Variants in CFH observed in about 807,000 individuals in gnomAD.
CFH encodes the protein complement factor H.
Under a neutral mutation model 147.3 loss-of-function variants are expected in CFH, and 53 were observed. The ratio of observed to expected loss-of-function variants is 0.36; its 90% CI spans 0.29 to 0.45. CFH has a LOEUF of 0.45. CFH is among the 20% of genes least tolerant of loss of function. The pLI is 1.00. For synonymous variants in CFH, 536 were observed against 489.4 expected (o/e 1.10, Z -1.26); for missense variants, 1,380 against 1,498.0 (o/e 0.92, Z 1.30).
intron 1 of CFH, among the ~76,000 whole-genome samples, chr1:196,663,326 G>T (rs533121855): frequency 6.6e-6 from 1 of 151,934 alleles, no homozygotes; most frequent in African/African-American, 2.4e-5. Context: ...TCCTGTCCAC[G>T]AATTCTTTTT....
intron 9 of CFH, among the ~76,000 whole-genome samples, chr1:196,694,341 A>C (rs1021196031): frequency 5.3e-5 from 8 of 151,948 alleles, no homozygotes; most frequent in Non-Finnish European, 1.2e-4. Context: ...GAACTCATTC[A>C]ATTTATGGCT....
chr1:196,668,447 A>G (rs1175437471), intron 1 of CFH, among the ~76,000 whole-genome samples: 1 of 151,976 alleles, frequency 6.6e-6, no homozygotes, highest in Non-Finnish European at 1.5e-5. Context: ...ATTCTCCTGG[A>G]AAAAAAATGT....
chr1:196,689,567 A>G lies in CFH; in HGVS notation c.1112A>G (p.His371Arg), dbSNP rs780125735. The G allele has an allele frequency of 1.9e-6, 3 of 1,613,478 alleles. No homozygotes were observed. The highest frequency in any genetic ancestry group is 2.5e-6 in the Non-Finnish European group (3 of 1,179,686). Reference sequence around the variant, plus strand: ...ACTCCGTCAGGAAGTTACTGGGATCACATTCATTGCACACAAGATGGATGG... The same window carrying G: ...ACTCCGTCAGGAAGTTACTGGGATCGCATTCATTGCACACAAGATGGATGG... ...FETPSGSYWD[H>R]IHCTQDGWSP... The change falls in exon 8 of 22, where the codon CAC becomes CGC. Residue 371 changes from histidine to arginine, a missense_variant. This residue lies in a region of CFH where 167 missense variants were observed against 228.0 expected (regional missense o/e 0.73). Coordinates refer to ENST00000367429, the MANE Select transcript of CFH (RefSeq NM_000186.4).
At chr1:196,685,028 A>AT (rs759463976) in intron 6 of CFH, 36 bp from the exon 7 acceptor site, 58 of 1,457,826 alleles carry the variant, frequency 4.0e-5, no homozygotes, top group Non-Finnish European at 5.2e-5. Context: ...ACGGATACTT[A>AT]TTTCTGCATT....
chr1:196,717,969 T>C (rs1334550296), intron 11 of CFH, among the ~76,000 whole-genome samples: 1 of 152,048 alleles, frequency 6.6e-6, no homozygotes, highest in East Asian at 1.9e-4. Context: ...GTATGAGACA[T>C]GGTCATCTGA....
rs199963716 is a variant in CFH, at chr1:196,736,879, G to A, written c.2469G>A (p.Met823Ile). 21 of 1,600,284 alleles carry A rather than the reference G, an allele frequency of 1.3e-5. No individual in the cohort carries two copies. Among genetic ancestry groups the A allele is most frequent in the Non-Finnish European group, 1.7e-5 (20 of 1,172,532 alleles). Residue 823 changes from methionine to isoleucine, a missense_variant, in exon 16 of 22, where the codon ATG (methionine) becomes ATA (isoleucine). Coordinates refer to ENST00000367429, the MANE Select transcript of CFH (RefSeq NM_000186.4). Reference protein sequence around the residue: ...PPPQIPNSHNMTTTLNYRDGE... With the variant: ...PPPQIPNSHNITTTLNYRDGE... ...CTCAGATTCCCAATTCTCACAATAT[G>A]ACAACCACACTGAATTATCGGGATG...
At chr1:196,705,258 A>G (rs898869900) in intron 9 of CFH, among the ~76,000 whole-genome samples, 1 of 152,096 alleles carries the variant, frequency 6.6e-6, no homozygotes, top group Admixed American at 6.6e-5. Flanking sequence ...ACAAATATTG[A>G]AAAACTCAAT....
rs894874139 is a variant in CFH at position 196,726,393 on chromosome 1, A to G, written c.1874-77A>G. 2.6e-6 allele frequency: 3 copies of G among 1,148,882 alleles called. No homozygotes were observed. The African/African-American group carries it at 4.7e-5, about 18-fold the overall frequency. The allele number at this position is 1,148,882 out of a possible 1,614,324, so 71.2% of individuals were successfully genotyped here. On this transcript the variant is annotated intron_variant, in intron 12 of 21. Coordinates refer to ENST00000367429, the MANE Select transcript of CFH (RefSeq NM_000186.4). ...GAAGAATACATGAATAAAAGAAGAA[A>G]ATCTTTCCATTTTACTGAATTTTTA...
intron 9 of CFH, among the ~76,000 whole-genome samples, chr1:196,709,687 G>T (rs1419409667): frequency 6.6e-6 from 1 of 151,972 alleles, no homozygotes; most frequent in East Asian, 1.9e-4. Flanking sequence ...GGATAAAGAA[G>T]CCCTTGTCAC....
At chr1:196,698,366 C>T (rs1038701852) in intron 9 of CFH, among the ~76,000 whole-genome samples, 32 of 151,978 alleles carry the variant, frequency 2.1e-4, no homozygotes, top group African/African-American at 4.8e-5. Context: ...ATCAAATAGA[C>T]ACAATAAAAA....
At chr1:196,722,164 G>A (rs1347734260) in intron 11 of CFH, among the ~76,000 whole-genome samples, 1 of 152,028 alleles carries the variant, frequency 6.6e-6, no homozygotes, top group Non-Finnish European at 1.5e-5. Context: ...ACTTTTGCAT[G>A]TCTTTATGAT....
intron 9 of CFH, among the ~76,000 whole-genome samples, chr1:196,698,511 C>T (rs547174897): frequency 6.6e-6 from 1 of 152,022 alleles, no homozygotes; most frequent in African/African-American, 2.4e-5. Context: ...ACGCTCCCAA[C>T]ACTAAAGCAG....
chr1:196,676,034 T>C lies in CFH; in HGVS notation c.396T>C (p.Asp132=). 1 of 1,610,510 alleles carries C rather than the reference T, an allele frequency of 6.2e-7. No individual in the cohort carries two copies. The highest frequency in any genetic ancestry group is 8.5e-7 in the Non-Finnish European group (1 of 1,177,296). Residue 132 remains aspartate, a synonymous_variant, in exon 4 of 22, where the codon GAT becomes GAC. Coordinates refer to ENST00000367429, the MANE Select transcript of CFH (RefSeq NM_000186.4). ...TTAATTACCGTGAATGTGACACAGATGGATGGACCAATGATATTCCTATAT... is the reference window on the plus strand; with the variant it reads ...TTAATTACCGTGAATGTGACACAGACGGATGGACCAATGATATTCCTATAT... ...GEINYRECDT[D]GWTNDIPICE...
At chr1:196,713,207 C>T (rs956455009) in intron 9 of CFH, among the ~76,000 whole-genome samples, 3 of 152,098 alleles carry the variant, frequency 2.0e-5, no homozygotes, top group Admixed American at 2.0e-4. Flanking sequence ...AAATCTGTTA[C>T]TGTTCCTCGT....
intron 1 of CFH, among the ~76,000 whole-genome samples, chr1:196,655,364 G>A (rs2149065914): frequency 6.6e-6 from 1 of 152,284 alleles, no homozygotes; most frequent in African/African-American, 2.4e-5. Flanking sequence ...CGTCTGCCAA[G>A]GCAAGCTTTG....
intron 1 of CFH, among the ~76,000 whole-genome samples, chr1:196,667,068 A>T (rs1179047672): frequency 6.6e-6 from 1 of 152,126 alleles, no homozygotes; most frequent in African/African-American, 2.4e-5. Flanking sequence ...TCTATTGGAT[A>T]TTGGAAACAG....
intron 4 of CFH, chr1:196,676,927 T>G (rs1667477238): frequency 6.6e-6 from 1 of 152,580 alleles, no homozygotes; most frequent in African/African-American, 2.4e-5. Flanking sequence ...GCCCTAAAAT[T>G]TTTATTTTAA....
chr1:196,714,022 G>GAA, intron 10 of CFH, 105 bp downstream of exon 10: 1 of 1,026,732 alleles, frequency 9.7e-7, no homozygotes, highest in Non-Finnish European at 1.4e-6. Flanking sequence ...GAAAAGATAA[G>GAA]AAAAAAAAAC....
chr1:196,744,675 G>C (rs1371876974), intron 20 of CFH, among the ~76,000 whole-genome samples: 1 of 152,044 alleles, frequency 6.6e-6, no homozygotes, highest in Non-Finnish European at 1.5e-5. Flanking sequence ...TGCATACATT[G>C]AGCTCCATAT....
Sources: allele counts gnomAD v4.1 joint callset (sites outside exome capture counted in the v4.1 genomes callset), GRCh38; gene constraint gnomAD v4.1.1; regional missense constraint gnomAD v4.1.1; transcripts MANE v1.5; gene names NCBI Gene and HGNC (gene_info 2026-07-23, HGNC 2026-07-21).